Variants in PLCE1 observed in about 807,000 individuals in gnomAD.
PLCE1 encodes the protein phospholipase C epsilon 1.
PLCE1 carries 119 observed loss-of-function variants against 242.8 expected under a neutral mutation model. The ratio of observed to expected loss-of-function variants is 0.49; its 90% CI spans 0.42 to 0.57. The LOEUF (loss-of-function observed/expected upper bound fraction) is 0.57. Ranked by LOEUF, PLCE1 falls within the 20% of genes least tolerant of loss-of-function variation. The pLI, the probability that PLCE1 is intolerant of heterozygous loss-of-function variation, is 0.00. For synonymous variants in PLCE1, 945 were observed against 1,017.4 expected, an observed-to-expected ratio of 0.93 and a Z score of 1.35; for missense variants, 2,441 against 2,788.8, an observed-to-expected ratio of 0.88 and a Z score of 2.81.
intron 20 of PLCE1, chr10:94,283,378 T>C (rs2052317862): frequency 1.7e-5 from 4 of 237,158 alleles, no homozygotes; most frequent in East Asian, 1.1e-4. Flanking sequence ...GAGTCAATCA[T>C]GTATGTACCT....
At chr10:94,231,119 T>C (rs1263042355) in intron 5 of PLCE1, among the ~76,000 whole-genome samples, 1 of 152,242 alleles carries the variant, frequency 6.6e-6, no homozygotes, top group Non-Finnish European at 1.5e-5. Flanking sequence ...CTAGATTTTC[T>C]ACAATGAGTA....
intron 11 of PLCE1, among the ~76,000 whole-genome samples, chr10:94,256,378 A>G (rs2132905659): frequency 6.6e-6 from 1 of 151,842 alleles, no homozygotes; most frequent in East Asian, 1.9e-4. Context: ...CAGAAAATAG[A>G]AAGAAAAAAG....
chr10:94,254,779 C>A, intron 10 of PLCE1, 114 bp from the exon 11 acceptor site: 1 of 1,171,014 alleles, frequency 8.5e-7, no homozygotes, highest in Non-Finnish European at 1.3e-6. Context: ...TGTATAGAAA[C>A]CAGCTGCATA....
intron 4 of PLCE1, among the ~76,000 whole-genome samples, chr10:94,200,380 T>G (rs1414954537): frequency 6.6e-6 from 1 of 152,080 alleles, no homozygotes; most frequent in African/African-American, 2.4e-5. Flanking sequence ...ATGGGGTGTG[T>G]CAAAGAGATA....
intron 20 of PLCE1, among the ~76,000 whole-genome samples, chr10:94,281,642 TC>T (rs2052227707): frequency 6.6e-6 from 1 of 152,178 alleles, no homozygotes. Flanking sequence ...CTTAGATGCC[TC>T]AGATATGTAA....
chr10:94,179,296 C>T (rs1409423490), intron 4 of PLCE1, among the ~76,000 whole-genome samples: 1 of 152,050 alleles, frequency 6.6e-6, no homozygotes, highest in African/African-American at 2.4e-5. Context: ...GACAGCAAAT[C>T]ATGTCTCATG....
chr10:94,115,677 G>A (rs1021416385), intron 2 of PLCE1, among the ~76,000 whole-genome samples: 7 of 152,156 alleles, frequency 4.6e-5, no homozygotes, highest in African/African-American at 1.7e-4. Context: ...TTTGTCAGAT[G>A]AGTAGATTGT....
intron 2 of PLCE1, among the ~76,000 whole-genome samples, chr10:94,075,914 A>G (rs964276616): frequency 2.6e-5 from 4 of 152,236 alleles, no homozygotes; most frequent in Admixed American, 2.0e-4. Flanking sequence ...TTTCCTATGC[A>G]TCAAGTACCA....
intron 26 of PLCE1, among the ~76,000 whole-genome samples, chr10:94,307,420 C>G (rs758638123): frequency 6.6e-6 from 1 of 152,234 alleles, no homozygotes; most frequent in African/African-American, 2.4e-5. Flanking sequence ...TTGGAGCTCA[C>G]AAACACATTA....
At chr10:94,323,958 C>T (rs2053917641) in intron 30 of PLCE1, among the ~76,000 whole-genome samples, 1 of 152,188 alleles carries the variant, frequency 6.6e-6, no homozygotes. Context: ...AGAGACGCTC[C>T]TGAAGAGCAA....
intron 2 of PLCE1, among the ~76,000 whole-genome samples, chr10:94,094,414 G>A (rs1218366103): frequency 6.6e-6 from 1 of 152,166 alleles, no homozygotes; most frequent in East Asian, 1.9e-4. Flanking sequence ...AATTGCCTCT[G>A]TTTGAGAACC....
At chr10:94,190,275 G>C (rs2048618305) in intron 4 of PLCE1, among the ~76,000 whole-genome samples, 1 of 152,150 alleles carries the variant, frequency 6.6e-6, no homozygotes, top group African/African-American at 2.4e-5. Flanking sequence ...GCCCAACGTT[G>C]TCTCAAAATT....
intron 4 of PLCE1, among the ~76,000 whole-genome samples, chr10:94,215,442 T>G (rs1214439842): frequency 6.6e-6 from 1 of 152,154 alleles, no homozygotes; most frequent in African/African-American, 2.4e-5. Flanking sequence ...GTGGTCACCG[T>G]GCAGTATAAA....
rs2053138612 is a variant in PLCE1 at position 94,304,493 on chromosome 10, C to T, written c.5470C>T (p.His1824Tyr). Reference protein sequence around the residue: ...LNYQTDDLPLHLNAAMFEANG... With the variant: ...LNYQTDDLPLYLNAAMFEANG... ...TGTTTGTTTTACAGATCTCCCTTTA[C>T]ATTTAAATGCTGCAATGTTTGAGGC... The change falls in exon 25 of 33, where the codon CAT becomes TAT. Residue 1824 changes from histidine (H) to tyrosine (Y), a missense_variant. By Grantham distance (83) the His-to-Tyr change is moderately conservative. Transcript: ENST00000371380. 2 of 1,613,854 alleles carry T rather than the reference C, an allele frequency of 1.2e-6. No individual in the cohort carries two copies. The highest frequency in any genetic ancestry group is 2.2e-5 in the East Asian group (1 of 44,890).
intron 2 of PLCE1, among the ~76,000 whole-genome samples, chr10:94,066,242 A>G (rs961599949): frequency 1.3e-5 from 2 of 152,196 alleles, no homozygotes; most frequent in African/African-American, 2.4e-5. Context: ...AAAGCAAATA[A>G]AAGATTTAGC....
At chr10:94,172,287 C>T (rs1045664967) in intron 4 of PLCE1, among the ~76,000 whole-genome samples, 1 of 152,154 alleles carries the variant, frequency 6.6e-6, no homozygotes. Context: ...GGCACTTTCT[C>T]TTAGTAATGT....
At chr10:94,322,368 A>ACAAC (rs1554917952) in intron 30 of PLCE1, among the ~76,000 whole-genome samples, 1 of 151,948 alleles carries the variant, frequency 6.6e-6, no homozygotes, top group East Asian at 1.9e-4. Context: ...GAAAAAAAAA[A>ACAAC]CAACCAACCC....
intron 3 of PLCE1, among the ~76,000 whole-genome samples, chr10:94,144,580 T>C (rs1397547883): frequency 1.3e-5 from 2 of 152,170 alleles, no homozygotes; most frequent in Non-Finnish European, 1.5e-5. Context: ...TCCTGTTAGC[T>C]GATGGGCCAA....
intron 27 of PLCE1, 113 bp from the exon 28 acceptor site, chr10:94,313,141 T>G: frequency 7.9e-7 from 1 of 1,258,766 alleles, no homozygotes; most frequent in Non-Finnish European, 1.2e-6. Context: ...ACTCTCATCT[T>G]TTGCATTTAC....
Sources: allele counts gnomAD v4.1 joint callset (sites outside exome capture counted in the v4.1 genomes callset), GRCh38; gene constraint gnomAD v4.1.1; transcripts MANE v1.5; gene names NCBI Gene and HGNC (gene_info 2026-07-23, HGNC 2026-07-21).